Variants in SLC6A12 observed in about 807,000 individuals in gnomAD.
SLC6A12 encodes the protein solute carrier family 6 member 12.
Under a neutral mutation model 73.3 loss-of-function variants are expected in SLC6A12, and 50 were observed. The observed-to-expected ratio is 0.68, with a 90% CI of 0.54 to 0.86. The LOEUF (loss-of-function observed/expected upper bound fraction) is 0.86. SLC6A12 is among the 40% of genes least tolerant of loss of function. The probability of loss-of-function intolerance (pLI) is 0.00; values close to 1 mark genes in which losing one functional copy is unlikely to be tolerated. For missense variants in SLC6A12, 648 were observed against 772.8 expected, an observed-to-expected ratio of 0.84 and a Z score of 1.92; for synonymous variants, 304 against 309.2, an observed-to-expected ratio of 0.98 and a Z score of 0.18.
intron 3 of SLC6A12, among the ~76,000 whole-genome samples, chr12:206,309 C>A (rs1332784543): frequency 6.6e-6 from 1 of 152,116 alleles, no homozygotes; most frequent in African/African-American, 2.4e-5. Context: ...ATTCTAGGTA[C>A]CTTATGAAAG....
At chr12:189,204 C>T (rs1055079461), downstream of SLC6A12, among the ~76,000 whole-genome samples, 4 of 152,042 alleles carry the variant, frequency 2.6e-5, no homozygotes, top group Non-Finnish European at 4.4e-5. Context: ...CCGGCTGAGG[C>T]GCGCGCCCGC....
rs776994381 is a variant in SLC6A12, at chr12:204,737, G to A, written c.215-39C>T. On this transcript the variant is annotated intron_variant, in intron 3 of 15. Transcript: ENST00000684302. ...AGAGGCAGGGCTGAGCCACACCCGG[G>A]CTCTTCCTCAGCCTCCATCCTTTCA... The A allele has an allele frequency of 5.0e-6, 8 of 1,610,420 alleles. No homozygotes were observed. The Admixed American group carries it at 5.0e-5, about 10-fold the overall frequency.
chr12:211,549 A>G (rs1940904512), intron 2 of SLC6A12, among the ~76,000 whole-genome samples: 2 of 152,202 alleles, frequency 1.3e-5, no homozygotes, highest in Admixed American at 6.5e-5. Context: ...CTGGGTTCAG[A>G]GTATGTGATC....
chr12:192,422 G>C, intron 15 of SLC6A12, 56 bp downstream of exon 15: 7 of 1,532,200 alleles, frequency 4.6e-6, no homozygotes, highest in Middle Eastern at 1.7e-4. Flanking sequence ...CCTGCCCCAA[G>C]TCCAGCCTCT....
rs184727187 is a variant in SLC6A12 at position 190,308 on chromosome 12, T to G, written c.*760A>C. The G allele has an allele frequency of 1.3e-5, 2 of 152,306 alleles. No homozygotes were observed. Among genetic ancestry groups the G allele is most frequent in the East Asian group, 3.9e-4 (2 of 5,180 alleles). The allele number at this position is 152,306 out of a possible 1,614,324, so 9.4% of individuals were successfully genotyped here. A position where few individuals can be genotyped will look rare whatever the true frequency, so the allele number is the denominator to read the frequency against. ...GGCAAATGGTGCTGCCTGGAGCACATTCGGAAGGATTGTGAGGTGGGAAAG... is the reference window on the plus strand; with the variant it reads ...GGCAAATGGTGCTGCCTGGAGCACAGTCGGAAGGATTGTGAGGTGGGAAAG... On this transcript the variant is annotated 3_prime_UTR_variant, in exon 16 of 16. Transcript: ENST00000684302.
chr12:201,443 T>G, intron 6 of SLC6A12: 1 of 311,890 alleles, frequency 3.2e-6, no homozygotes, highest in Non-Finnish European at 6.1e-6. Flanking sequence ...GGAAGAGACA[T>G]GCACACTCAG....
At chr12:205,298 C>G (rs1338551496) in intron 3 of SLC6A12, among the ~76,000 whole-genome samples, 1 of 152,042 alleles carries the variant, frequency 6.6e-6, no homozygotes, top group Admixed American at 6.5e-5. Context: ...CCCAGGAGAC[C>G]CACTTCAGTA....
downstream of SLC6A12, among the ~76,000 whole-genome samples, chr12:188,344 C>T (rs1174711305): frequency 2.6e-5 from 4 of 152,074 alleles, no homozygotes; most frequent in African/African-American, 7.2e-5. Context: ...TGCCCCGGGC[C>T]GGCGGGGCCG....
Position 196,149 on chromosome 12 carries a change from A to G in SLC6A12, c.1301T>C (p.Leu434Pro). ...LILTIAVMCY[L>P]IGLFLVTEGG... ...CTCGGTGACCAGGAAAAGCCCTATC[A>G]GGTAGCACATGACGGCGATGGTGAG... Residue 434 changes from leucine (L) to proline (P), a missense_variant, in exon 12 of 16, where the codon CTG (leucine) becomes CCG (proline). Transcript: ENST00000684302. 6.4e-7 allele frequency: 1 copy of G among 1,566,880 alleles called. No individual in the cohort carries two copies. The highest frequency in any genetic ancestry group is 1.2e-5 in the South Asian group (1 of 85,304).
In SLC6A12 at chr12:198,160, C is replaced by T. The variant is rs960863373; in HGVS notation, c.847-157G>A. 5.9e-5 allele frequency among the ~76,000 whole-genome samples: 9 copies of T among 152,162 alleles called. No homozygotes were observed. The highest frequency in any genetic ancestry group is 1.2e-4 in the Non-Finnish European group (8 of 68,028). ...CCCAACTCTCCGTGAGTGCGCCCTC[C>T]GGTCTCCACGGTGATCTCCTCCCCA... On this transcript the variant is annotated intron_variant, in intron 8 of 15. Coordinates refer to ENST00000684302, the MANE Select transcript of SLC6A12 (RefSeq NM_001122848.3). This position sits in a 1 kb window ranked among gnomAD's most constrained non-coding sequence, Gnocchi z 4.0.
rs545306913 is a variant in SLC6A12 at position 209,579 on chromosome 12, G to T, written c.214+194C>A. 1.5e-5 allele frequency: 9 copies of T among 619,626 alleles called. No individual in the cohort carries two copies. In the South Asian group the frequency reaches 1.7e-4, roughly 12 times the overall value. 38.4% of individuals were successfully genotyped at this position (619,626 alleles called of 1,614,324 possible). A position where few individuals can be genotyped will look rare whatever the true frequency, so the allele number is the denominator to read the frequency against. On this transcript the variant is annotated intron_variant, in intron 3 of 15. Transcript: ENST00000684302. The stretch of plus-strand genomic sequence containing the variant: ...CAGTTTCATCTTCACCGTCACCCTG[G>T]GAGGTATTGTCCCCATTTCACAGAG...
chr12:200,332 TCTC>T (rs1333177754), intron 7 of SLC6A12, among the ~76,000 whole-genome samples: 1 of 151,830 alleles, frequency 6.6e-6, no homozygotes, highest in Non-Finnish European at 1.5e-5. Context: ...ATGGTCTCGA[TCTC>T]CTGACCTCGT....
At chr12:196,315 C>A in intron 11 of SLC6A12, 54 bp from the exon 12 acceptor site, 2 of 1,564,782 alleles carry the variant, frequency 1.3e-6, no homozygotes, top group Non-Finnish European at 1.7e-6. Flanking sequence ...CTGTTGGCCA[C>A]CAGCCCTGGC....
At chr12:188,214 G>A (rs575751894), downstream of SLC6A12, among the ~76,000 whole-genome samples, 6 of 152,196 alleles carry the variant, frequency 3.9e-5, no homozygotes, top group Admixed American at 1.3e-4. Flanking sequence ...GCCCATGGAG[G>A]GGGAGGGAGG....
intron 1 of SLC6A12, among the ~76,000 whole-genome samples, chr12:212,422 CCA>C (rs2137223598): frequency 6.6e-6 from 1 of 152,258 alleles, no homozygotes; most frequent in Non-Finnish European, 1.5e-5. Context: ...ATCACAGAAT[CCA>C]GTTTGGGCCC....
intron 3 of SLC6A12, among the ~76,000 whole-genome samples, chr12:208,386 T>C (rs1384379123): frequency 6.6e-6 from 1 of 152,130 alleles, no homozygotes; most frequent in African/African-American, 2.4e-5. Context: ...TTAAAACACA[T>C]AGCAAGATAC....
At chr12:185,451 T>C (rs1426371847), downstream of SLC6A12, among the ~76,000 whole-genome samples, 1 of 152,266 alleles carries the variant, frequency 6.6e-6, no homozygotes, top group African/African-American at 2.4e-5. Context: ...GTCAGAGTTC[T>C]GGCCTCGGGG....
At chr12:199,509 C>T (rs922075516) in intron 7 of SLC6A12, among the ~76,000 whole-genome samples, 13 of 151,698 alleles carry the variant, frequency 8.6e-5, no homozygotes, top group Admixed American at 2.6e-4. Flanking sequence ...GCCGGAGCTC[C>T]GGGCTGTTCT....
downstream of SLC6A12, among the ~76,000 whole-genome samples, chr12:186,362 G>A (rs1939428105): frequency 6.6e-6 from 1 of 152,210 alleles, no homozygotes; most frequent in African/African-American, 2.4e-5. Flanking sequence ...GGAACTGCAA[G>A]CAATTGGATC....
Sources: gnomAD v4.1 joint callset for allele counts (sites outside exome capture counted in the v4.1 genomes callset) on GRCh38, gnomAD v4.1.1 for gene constraint, Gnocchi (gnomAD v3.1) non-coding constraint, MANE v1.5 for transcripts, NCBI Gene and HGNC (gene_info 2026-07-23, HGNC 2026-07-21) for gene names.